Variants in LINGO2 observed in about 807,000 individuals in gnomAD.
LINGO2 encodes leucine rich repeat and Ig domain containing 2.
A neutral mutation model predicts 30.6 loss-of-function variants in LINGO2; 14 were observed. That is an observed-to-expected ratio of 0.46 (90% CI 0.30 to 0.72). The LOEUF (loss-of-function observed/expected upper bound fraction) is 0.72, where lower values mean the gene tolerates loss of function less well. LINGO2 is among the 30% of genes least tolerant of loss of function. LINGO2 has a pLI of 0.07. For synonymous variants in LINGO2, 317 were observed against 288.5 expected, an observed-to-expected ratio of 1.10 and a Z score of -1.00; for missense variants, 729 against 751.7, an observed-to-expected ratio of 0.97 and a Z score of 0.35.
At position 28,587,057 on chromosome 9, in the gene LINGO2, G is replaced by A. The variant is rs115381217; in HGVS notation, c.-365+83143C>T. On this transcript the variant is annotated intron_variant, in intron 1 of 5. Transcript: ENST00000379992. ...AAGGCTTCATACAGCTAGAAATCCC[G>A]CACTCAGTTTCCAGAAGAGTAAGAG... Among the ~76,000 whole-genome samples the A allele has an allele frequency of 3.0e-3, 454 of 151,994 alleles. 2 individuals are homozygous for A. The highest frequency in any genetic ancestry group is 0.01 in the African/African-American group (427 of 41,500).
At chr9:28,137,187 A>G (rs1391105855) in intron 4 of LINGO2, among the ~76,000 whole-genome samples, 2 of 91,026 alleles carry the variant, frequency 2.2e-5, no homozygotes, top group Non-Finnish European at 4.2e-5. Context: ...ATACATATAT[A>G]GAAAATCCCT....
chr9:28,125,192 C>T (rs571411348), intron 4 of LINGO2, among the ~76,000 whole-genome samples: 1 of 152,308 alleles, frequency 6.6e-6, no homozygotes, highest in East Asian at 1.9e-4. Context: ...TTGGCTAAAG[C>T]TTCTCAGTAC....
chr9:28,484,904 T>C (rs938903724), intron 1 of LINGO2, among the ~76,000 whole-genome samples: 1 of 151,984 alleles, frequency 6.6e-6, no homozygotes, highest in African/African-American at 2.4e-5. Context: ...CTGTTAAGTC[T>C]CCAAAATATT....
the LINGO2 span, among the ~76,000 whole-genome samples, chr9:28,829,988 A>C: frequency 6.6e-6 from 1 of 152,232 alleles, no homozygotes; most frequent in Admixed American, 6.5e-5. Context: ...ACATACATTC[A>C]TAACCAAATT....
At chr9:28,087,313 T>A (rs937967024) in intron 4 of LINGO2, among the ~76,000 whole-genome samples, 4 of 152,100 alleles carry the variant, frequency 2.6e-5, no homozygotes, top group African/African-American at 9.7e-5. Context: ...TTATTTGTTA[T>A]ACAGCATTTT....
chr9:28,595,866 G>A (rs1459017529), intron 1 of LINGO2, among the ~76,000 whole-genome samples: 1 of 152,068 alleles, frequency 6.6e-6, no homozygotes, highest in Non-Finnish European at 1.5e-5. Context: ...AGCTGATGAT[G>A]ACAAATAGAT....
intron 4 of LINGO2, among the ~76,000 whole-genome samples, chr9:28,180,880 GA>G (rs1349523379): frequency 6.6e-6 from 1 of 151,978 alleles, no homozygotes; most frequent in Non-Finnish European, 1.5e-5. Flanking sequence ...CTAAAAGAGG[GA>G]AAAACAATGG....
At chr9:28,899,089 A>G in the LINGO2 span, among the ~76,000 whole-genome samples, 17 of 152,148 alleles carry the variant, frequency 1.1e-4, no homozygotes, top group African/African-American at 4.1e-4. Context: ...AGCTACAAAA[A>G]CCAGTTAAGA....
chr9:28,498,784 C>T (rs538494095), intron 1 of LINGO2, among the ~76,000 whole-genome samples: 11 of 152,048 alleles, frequency 7.2e-5, no homozygotes, highest in Non-Finnish European at 1.6e-4. Flanking sequence ...TGTTCCTATT[C>T]GGCCATCTTG....
intron 1 of LINGO2, among the ~76,000 whole-genome samples, chr9:28,557,403 T>C (rs1034919455): frequency 2.0e-4 from 31 of 152,138 alleles, no homozygotes; most frequent in African/African-American, 5.1e-4. Context: ...AAAATGCTCA[T>C]CATCACTGGC....
the LINGO2 span, among the ~76,000 whole-genome samples, chr9:28,945,032 A>G: frequency 0.041 from 6,273 of 152,184 alleles, 199 homozygotes; most frequent in Admixed American, 0.083. Context: ...GTTCCAATAC[A>G]TGCTTATACT....
Position 28,189,628 on chromosome 9 carries a change from G to GAA in LINGO2, c.-87+105579_-87+105580insTT, listed in dbSNP as rs1819724490. Among the ~76,000 whole-genome samples, 4 of 30,932 alleles carry GAA rather than the reference G, an allele frequency of 1.3e-4. 1 individual carries two copies. Among genetic ancestry groups the GAA allele is most frequent in the African/African-American group, 3.7e-4 (2 of 5,436 alleles). The allele number at this position is 30,932 out of a possible 152,430, so 20.3% of individuals were successfully genotyped here. A position where few individuals can be genotyped will look rare whatever the true frequency, so the allele number is the denominator to read the frequency against. On this transcript the variant is annotated intron_variant, in intron 4 of 5. Coordinates refer to ENST00000379992, the Ensembl canonical transcript of LINGO2. The stretch of plus-strand genomic sequence containing the variant: ...GGAAGGAAGGGAGGGAGGGAGGAAG[G>GAA]GAGGGAGGAAGGAAGGGAGGGAGGA...
At chr9:29,185,586 G>A in the LINGO2 span, among the ~76,000 whole-genome samples, 2 of 152,264 alleles carry the variant, frequency 1.3e-5, no homozygotes, top group African/African-American at 4.8e-5. Flanking sequence ...TTTACATTTT[G>A]CAAAGGTCAT....
chr9:28,326,421 CTTTG>C (rs1420434033), intron 3 of LINGO2, among the ~76,000 whole-genome samples: 3 of 151,054 alleles, frequency 2.0e-5, no homozygotes, highest in African/African-American at 7.4e-5. Context: ...TTTTCACTTC[CTTTG>C]TTTGTTCACT....
chr9:29,108,632 C>G, the LINGO2 span, among the ~76,000 whole-genome samples: 1 of 152,182 alleles, frequency 6.6e-6, no homozygotes, highest in Non-Finnish European at 1.5e-5. Context: ...ATCTCATTCC[C>G]TAAGCAGATA....
intron 5 of LINGO2, among the ~76,000 whole-genome samples, chr9:27,965,435 A>AC (rs1205392105): frequency 4.0e-5 from 6 of 151,420 alleles, no homozygotes; most frequent in South Asian, 2.1e-4. Context: ...AAAAAAAAAA[A>AC]CCCACACAAT....
chr9:28,744,609 C>CATGTGTGTGTGTGTGTGTGT, the LINGO2 span, among the ~76,000 whole-genome samples: 1 of 133,954 alleles, frequency 7.5e-6, no homozygotes, highest in African/African-American at 2.8e-5. Flanking sequence ...ATATTCCCCT[C>CATGTGTGTGTGTGTGTGTGT]GTGTGTGTGT....
At chr9:29,162,208 C>T in the LINGO2 span, among the ~76,000 whole-genome samples, 2 of 152,136 alleles carry the variant, frequency 1.3e-5, no homozygotes, top group Non-Finnish European at 2.9e-5. Context: ...GTGTGAGCCA[C>T]CATGCCCGGC....
At chr9:28,531,994 T>A (rs540273526) in intron 1 of LINGO2, among the ~76,000 whole-genome samples, 67 of 152,308 alleles carry the variant, frequency 4.4e-4, no homozygotes, top group African/African-American at 1.6e-3. Context: ...TTTAAACTGT[T>A]ATGGGAGCAT....
Sources: allele counts gnomAD v4.1 joint callset (sites outside exome capture counted in the v4.1 genomes callset), GRCh38; gene constraint gnomAD v4.1.1; transcripts MANE v1.5; gene names NCBI Gene and HGNC (gene_info 2026-07-23, HGNC 2026-07-21).